Variants in CSMD3 observed in about 807,000 individuals in gnomAD.
The protein encoded by CSMD3 is CUB and Sushi multiple domains 3.
CSMD3 carries 177 observed loss-of-function variants against 435.2 expected under a neutral mutation model. The observed-to-expected ratio is 0.41, with a 90% CI of 0.36 to 0.46. The LOEUF is 0.46. Among genes scored for constraint, CSMD3 ranks in the 20% least tolerant of loss-of-function variants. The pLI is 0.34. For missense variants in CSMD3, 4,265 were observed against 4,504.6 expected (o/e 0.95, Z 1.52); for synonymous variants, 1,656 against 1,520.5 (o/e 1.09, Z -2.07).
chr8:113,108,289 G>A (rs768506083), intron 4 of CSMD3, among the ~76,000 whole-genome samples: 18 of 151,948 alleles, frequency 1.2e-4, no homozygotes, highest in African/African-American at 1.9e-4. Flanking sequence ...TTAGCGGGGC[G>A]TGGTGGCAGG....
In CSMD3 at chr8:113,140,091, C is replaced by T. The variant is rs537828866; in HGVS notation, c.709+33631G>A. On this transcript the variant is annotated intron_variant, in intron 4 of 70. Coordinates refer to ENST00000297405, the MANE Select transcript of CSMD3 (RefSeq NM_198123.2). The stretch of plus-strand genomic sequence containing the variant: ...GACTTACAAGATTTTCAACTTACTA[C>T]GTGTTATCATAGTCAAGGAGCATCT... Among the ~76,000 whole-genome samples, 35 of 151,008 alleles carry T rather than the reference C, an allele frequency of 2.3e-4. No homozygotes were observed. In the South Asian group the frequency reaches 6.0e-3, roughly 26 times the overall value.
intron 58 of CSMD3, among the ~76,000 whole-genome samples, chr8:112,282,231 CGTGTGT>C (rs145604094): frequency 5.4e-5 from 8 of 148,794 alleles, no homozygotes; most frequent in African/African-American, 2.0e-4. Context: ...GTATAACTGC[CGTGTGT>C]GTGTGTGTGT....
At chr8:113,376,258 T>G (rs543301719) in intron 1 of CSMD3, among the ~76,000 whole-genome samples, 1 of 152,288 alleles carries the variant, frequency 6.6e-6, no homozygotes, top group Non-Finnish European at 1.5e-5. Flanking sequence ...GCATAAAAGT[T>G]ATTTGATTGA....
chr8:112,359,207 C>T (rs1025857922), intron 38 of CSMD3, among the ~76,000 whole-genome samples: 4 of 152,178 alleles, frequency 2.6e-5, no homozygotes, highest in East Asian at 1.9e-4. Flanking sequence ...TGTATACATA[C>T]GGATTTCATT....
At chr8:112,963,329 G>A (rs1176645236) in intron 7 of CSMD3, among the ~76,000 whole-genome samples, 1 of 151,870 alleles carries the variant, frequency 6.6e-6, no homozygotes, top group Non-Finnish European at 1.5e-5. Flanking sequence ...ATAATCCTTT[G>A]TAAGTAAAAC....
chr8:113,048,083 C>CTTTTTTTTTTTTTTTTTTTTTTT (rs35254619), intron 5 of CSMD3, among the ~76,000 whole-genome samples: 1 of 106,948 alleles, frequency 9.4e-6, no homozygotes, highest in Non-Finnish European at 1.8e-5. Context: ...AACTTCAATT[C>CTTTTTTTTTTTTTTTTTTTTTTT]TTTTTTTTTT....
chr8:113,152,141 C>T (rs1423383199), intron 4 of CSMD3, among the ~76,000 whole-genome samples: 1 of 151,854 alleles, frequency 6.6e-6, no homozygotes, highest in Non-Finnish European at 1.5e-5. Context: ...ACACTCTGAT[C>T]CAGTCCACCT....
chr8:113,073,041 A>AAC (rs397756773), intron 5 of CSMD3, among the ~76,000 whole-genome samples: 1 of 151,494 alleles, frequency 6.6e-6, no homozygotes, highest in African/African-American at 2.4e-5. Flanking sequence ...AGAAAAAAAA[A>AAC]TGCATTACTA....
At chr8:112,268,947 G>A (rs913851928) in intron 59 of CSMD3, among the ~76,000 whole-genome samples, 8 of 152,016 alleles carry the variant, frequency 5.3e-5, no homozygotes, top group Admixed American at 1.3e-4. Flanking sequence ...ACAATTCTTC[G>A]TTGTGAGGGG....
rs1029991902 is a variant in CSMD3, at chr8:112,682,340, G to C, written c.2677+102C>G. 43 of 879,920 alleles carry C rather than the reference G, an allele frequency of 4.9e-5. 3 individuals carry two copies. In the Middle Eastern group the frequency reaches 1.3e-3, roughly 27 times the overall value. 54.5% of individuals were successfully genotyped at this position (879,920 alleles called of 1,614,324 possible). The stretch of plus-strand genomic sequence containing the variant: ...TATAGAATATCAAGAAATGTTTTAA[G>C]ATAATGATTATGACAGTCCTGGTAG... On this transcript the variant is annotated intron_variant, in intron 16 of 70. Transcript: ENST00000297405.
At chr8:112,383,712 A>G (rs769351786) in intron 36 of CSMD3, 49 bp from the exon 37 acceptor site, 1 of 1,098,154 alleles carries the variant, frequency 9.1e-7, no homozygotes, top group African/African-American at 1.5e-5. Flanking sequence ...AACCAGATAC[A>G]CATAACTATA....
At chr8:113,388,178 G>A (rs772703127) in intron 1 of CSMD3, among the ~76,000 whole-genome samples, 2 of 151,480 alleles carry the variant, frequency 1.3e-5, no homozygotes, top group Non-Finnish European at 3.0e-5. Context: ...TTTTCATAGC[G>A]GACATCCCAT....
chr8:112,582,901 G>A (rs1214046334), intron 23 of CSMD3, among the ~76,000 whole-genome samples: 11 of 151,958 alleles, frequency 7.2e-5, no homozygotes, highest in Admixed American at 7.2e-4. Flanking sequence ...TGAGGAAGGT[G>A]GCCATCATCA....
intron 10 of CSMD3, among the ~76,000 whole-genome samples, chr8:112,920,849 T>C (rs528445353): frequency 1.3e-5 from 2 of 151,700 alleles, no homozygotes; most frequent in African/African-American, 2.4e-5. Flanking sequence ...TCATAATATT[T>C]TCTTCTATAT....
At chr8:112,646,286 A>G (rs144183261) in intron 19 of CSMD3, among the ~76,000 whole-genome samples, 217 of 152,300 alleles carry the variant, frequency 1.4e-3, no homozygotes, top group African/African-American at 5.0e-3. Context: ...TAAAATACAC[A>G]AAAAGGTAAC....
chr8:113,258,377 T>C (rs1341866848), intron 3 of CSMD3, among the ~76,000 whole-genome samples: 1 of 152,176 alleles, frequency 6.6e-6, no homozygotes, highest in Admixed American at 6.6e-5. Flanking sequence ...TGTCTCCTAT[T>C]GGTCTCTATC....
intron 16 of CSMD3, among the ~76,000 whole-genome samples, chr8:112,675,939 A>G (rs1482490574): frequency 6.6e-6 from 1 of 152,124 alleles, no homozygotes; most frequent in Non-Finnish European, 1.5e-5. Flanking sequence ...TCAAAGGAAG[A>G]GCTAGCCAGT....
intron 3 of CSMD3, among the ~76,000 whole-genome samples, chr8:113,228,051 A>G (rs573763772): frequency 6.6e-6 from 1 of 151,536 alleles, no homozygotes. Context: ...TGGGGTTATC[A>G]TGTTATATTT....
At chr8:112,786,247 C>A (rs751253316) in intron 13 of CSMD3, among the ~76,000 whole-genome samples, 1 of 151,984 alleles carries the variant, frequency 6.6e-6, no homozygotes. Flanking sequence ...GGAAGCTAGA[C>A]CCTTATCTCT....
Sources: gnomAD v4.1 joint callset for allele counts (sites outside exome capture counted in the v4.1 genomes callset) on GRCh38, gnomAD v4.1.1 for gene constraint, MANE v1.5 for transcripts, NCBI Gene and HGNC (gene_info 2026-07-23, HGNC 2026-07-21) for gene names.